Variants in CDH13 observed in about 807,000 individuals in gnomAD.
CDH13 encodes the protein cadherin-13.
Under a neutral mutation model 63.8 loss-of-function variants are expected in CDH13, and 24 were observed. The ratio of observed to expected loss-of-function variants is 0.38; its 90% CI spans 0.27 to 0.53. The LOEUF is 0.53. CDH13 is among the 20% of genes least tolerant of loss of function. The probability of loss-of-function intolerance (pLI) is 0.85; values close to 1 mark genes in which losing one functional copy is unlikely to be tolerated. For synonymous variants in CDH13, 503 were observed against 355.3 expected (o/e 1.42, Z -4.67); for missense variants, 1,049 against 903.1 (o/e 1.16, Z -2.07).
chr16:83,374,215 A>G (rs1017466048), intron 6 of CDH13, among the ~76,000 whole-genome samples: 6 of 152,236 alleles, frequency 3.9e-5, no homozygotes, highest in African/African-American at 1.4e-4. Context: ...GAATTTTAGA[A>G]AAGTCAATAG....
At chr16:83,260,150 TCAAAA>T (rs1906808838) in intron 5 of CDH13, among the ~76,000 whole-genome samples, 1 of 135,318 alleles carries the variant, frequency 7.4e-6, no homozygotes. Flanking sequence ...ACACGCTCTC[TCAAAA>T]CAAAGTTTAC....
chr16:83,610,301 T>C (rs924164860), intron 8 of CDH13, among the ~76,000 whole-genome samples: 2 of 152,238 alleles, frequency 1.3e-5, no homozygotes, highest in African/African-American at 4.8e-5. Context: ...AGTTGTTTTA[T>C]TGAAACATTT....
At chr16:82,680,691 C>T (rs5011320) in intron 1 of CDH13, among the ~76,000 whole-genome samples, 151,626 of 152,294 alleles carry the variant, frequency 1, 75,480 homozygotes, top group Middle Eastern at 1. Context: ...TAATAGACTA[C>T]TTACAAAAAT....
chr16:83,466,921 C>T (rs1413082511), intron 6 of CDH13, among the ~76,000 whole-genome samples: 4 of 152,158 alleles, frequency 2.6e-5, no homozygotes, highest in Non-Finnish European at 5.9e-5. Flanking sequence ...TACAATCAGT[C>T]TTTATATGGC....
chr16:83,748,071 T>C (rs1159246867), intron 10 of CDH13, 37 bp from the exon 11 acceptor site: 6 of 1,612,328 alleles, frequency 3.7e-6, no homozygotes, highest in Non-Finnish European at 5.1e-6. Flanking sequence ...GAATCTACTT[T>C]GAATGCAGAG....
At chr16:82,951,515 A>T (rs111230249) in intron 2 of CDH13, among the ~76,000 whole-genome samples, 1 of 152,180 alleles carries the variant, frequency 6.6e-6, no homozygotes, top group African/African-American at 2.4e-5. Context: ...GGCTTCATCT[A>T]AAAGAACCAC....
chr16:83,090,716 C>T (rs985791888), intron 3 of CDH13, among the ~76,000 whole-genome samples: 2 of 152,068 alleles, frequency 1.3e-5, no homozygotes, highest in African/African-American at 2.4e-5. Flanking sequence ...TCCGACTGCA[C>T]GAGTTGGTGA....
chr16:82,652,354 C>A (rs1347381738), intron 1 of CDH13, among the ~76,000 whole-genome samples: 2 of 152,152 alleles, frequency 1.3e-5, no homozygotes, highest in African/African-American at 4.8e-5. Flanking sequence ...GGTTTTTGTT[C>A]ATGACAAGAT....
chr16:83,665,708 A>T (rs1366795571), intron 8 of CDH13, among the ~76,000 whole-genome samples: 2 of 152,242 alleles, frequency 1.3e-5, no homozygotes, highest in East Asian at 3.8e-4. Context: ...CAACTAGTCA[A>T]GCATGCAAGC....
intron 10 of CDH13, among the ~76,000 whole-genome samples, chr16:83,738,578 C>T (rs1911757615): frequency 6.6e-6 from 1 of 152,184 alleles, no homozygotes; most frequent in Non-Finnish European, 1.5e-5. Flanking sequence ...GTGATTCCAG[C>T]TTCCTTGGGG....
chr16:83,775,970 T>C (rs1350399924), intron 11 of CDH13, among the ~76,000 whole-genome samples: 1 of 152,212 alleles, frequency 6.6e-6, no homozygotes, highest in Admixed American at 6.5e-5. Context: ...TGAGGAATTT[T>C]GAAATTTTGA....
At chr16:83,132,129 T>C (rs2036080899) in intron 4 of CDH13, among the ~76,000 whole-genome samples, 1 of 152,156 alleles carries the variant, frequency 6.6e-6, no homozygotes, top group South Asian at 2.1e-4. Flanking sequence ...TTCTATTTAA[T>C]AGCCATTTGC....
At chr16:82,920,170 C>T (rs2042110147) in intron 2 of CDH13, among the ~76,000 whole-genome samples, 1 of 152,158 alleles carries the variant, frequency 6.6e-6, no homozygotes, top group African/African-American at 2.4e-5. Context: ...ATTCAGATGG[C>T]ACCCTCCACC....
At chr16:83,525,338 A>G (rs781333939) in intron 7 of CDH13, among the ~76,000 whole-genome samples, 14 of 152,264 alleles carry the variant, frequency 9.2e-5, no homozygotes, top group Admixed American at 5.9e-4. Flanking sequence ...CTTCTGGACA[A>G]CAACGTAAAA....
intron 4 of CDH13, among the ~76,000 whole-genome samples, chr16:83,151,674 A>C (rs2040067633): frequency 6.6e-6 from 1 of 152,210 alleles, no homozygotes; most frequent in Non-Finnish European, 1.5e-5. Flanking sequence ...ATTAGAAATA[A>C]AGTCAGTAGG....
intron 8 of CDH13, among the ~76,000 whole-genome samples, chr16:83,656,235 G>A (rs1429826049): frequency 6.6e-6 from 1 of 152,168 alleles, no homozygotes; most frequent in African/African-American, 2.4e-5. Flanking sequence ...GAAAAGAGAG[G>A]AATCAAAAGA....
At chr16:82,776,247 A>AAGGG (rs146393114) in intron 1 of CDH13, among the ~76,000 whole-genome samples, 1 of 140,346 alleles carries the variant, frequency 7.1e-6, no homozygotes, top group Non-Finnish European at 1.6e-5. Context: ...GGAAGGGATT[A>AAGGG]AGGGAGGGAG....
intron 4 of CDH13, among the ~76,000 whole-genome samples, chr16:83,179,356 A>G (rs2038252835): frequency 6.6e-6 from 1 of 151,798 alleles, no homozygotes; most frequent in South Asian, 2.1e-4. Flanking sequence ...CTATCAACAA[A>G]AGGGAGGATG....
At chr16:82,979,214 G>T (rs1425994944) in intron 2 of CDH13, among the ~76,000 whole-genome samples, 1 of 152,194 alleles carries the variant, frequency 6.6e-6, no homozygotes, top group East Asian at 1.9e-4. Flanking sequence ...ACTGGCTTTG[G>T]ATTTTACAGG....
Sources: allele counts gnomAD v4.1 joint callset (sites outside exome capture counted in the v4.1 genomes callset), GRCh38; gene constraint gnomAD v4.1.1; transcripts MANE v1.5; gene names NCBI Gene and HGNC (gene_info 2026-07-23, HGNC 2026-07-21).